CHN1: variants seen among roughly 807,000 people sequenced by gnomAD.
CHN1 encodes N-chimaerin.
A neutral mutation model predicts 59.5 loss-of-function variants in CHN1; 37 were observed. The observed-to-expected ratio is 0.62, with a 90% CI of 0.48 to 0.82. The LOEUF is 0.82. CHN1 is among the 40% of genes least tolerant of loss of function. The pLI, the probability that CHN1 is intolerant of heterozygous loss-of-function variation, is 0.00. For synonymous variants in CHN1, 206 were observed against 200.4 expected (o/e 1.03, Z -0.24); for missense variants, 469 against 571.0 (o/e 0.82, Z 1.82).
chr2:174,848,660 TG>T (rs1686623794), intron 6 of CHN1, among the ~76,000 whole-genome samples: 1 of 152,194 alleles, frequency 6.6e-6, no homozygotes. Flanking sequence ...GGGCATGAAG[TG>T]GTTCTTAAGC....
chr2:174,893,127 A>G (rs868325553), intron 5 of CHN1, among the ~76,000 whole-genome samples: 2 of 152,336 alleles, frequency 1.3e-5, no homozygotes, highest in Middle Eastern at 3.4e-3. Context: ...CAGAGCAATT[A>G]GGCAAGAAAA....
chr2:174,804,074 T>C (rs1684812345), intron 11 of CHN1, among the ~76,000 whole-genome samples: 1 of 152,182 alleles, frequency 6.6e-6, no homozygotes, highest in Admixed American at 6.5e-5. Flanking sequence ...AGTTACACTC[T>C]ATTAGAATGA....
chr2:174,821,128 C>G (rs1456546924), intron 8 of CHN1, among the ~76,000 whole-genome samples: 2 of 152,164 alleles, frequency 1.3e-5, no homozygotes, highest in Non-Finnish European at 2.9e-5. Context: ...CTTGAAACAT[C>G]AAGCATATAT....
intron 7 of CHN1, chr2:174,846,442 G>T: frequency 6.5e-7 from 1 of 1,529,326 alleles, no homozygotes; most frequent in Admixed American, 2.2e-5. Flanking sequence ...CAGAAACTAT[G>T]AGAAATGCAA....
At chr2:174,978,342 T>G (rs929811543) in intron 1 of CHN1, among the ~76,000 whole-genome samples, 1 of 152,216 alleles carries the variant, frequency 6.6e-6, no homozygotes, top group Non-Finnish European at 1.5e-5. Context: ...CGTATTTCTG[T>G]GATTATTTCC....
chr2:174,898,499 G>A (rs1480588428), intron 5 of CHN1, among the ~76,000 whole-genome samples: 1 of 151,754 alleles, frequency 6.6e-6, no homozygotes, highest in Non-Finnish European at 1.5e-5. Flanking sequence ...AGCTACTTAG[G>A]AGGCTGAGGC....
Position 174,877,965 on chromosome 2 carries a change from T to C in CHN1, c.424A>G (p.Ile142Val), listed in dbSNP as rs1208219320. The change falls in exon 6 of 13, where the codon ATT becomes GTT. Residue 142 changes from isoleucine (I) to valine (V), a missense_variant. Physicochemically the swap from Ile to Val is conservative, Grantham distance 29 (BLOSUM62 3). Around this residue, in one of 5 missense-constraint regions of CHN1, gnomAD observed 8 missense variants for 25.4 expected, o/e 0.32. Transcript: ENST00000409900. ...GTTGTGTATCCTACGTGCTCATAAA[T>C]TGGGTTTATCGTCATCTTGGCAATG... The part of the protein sequence containing the change: ...EYIAKMTINP[I>V]YEHVGYTTLN... 9 of 1,613,884 alleles carry C rather than the reference T, an allele frequency of 5.6e-6. No individual in the cohort carries two copies. Among genetic ancestry groups the C allele is most frequent in the Admixed American group, 3.3e-5 (2 of 60,022 alleles).
intron 9 of CHN1, 68 bp from the exon 10 acceptor site, chr2:174,811,656 T>A: frequency 2.2e-6 from 2 of 906,676 alleles, no homozygotes; most frequent in Non-Finnish European, 3.4e-6. Flanking sequence ...CCTCACACTT[T>A]AAGCTGGGAG....
Position 174,815,020 on chromosome 2 carries a change from A to G in CHN1, c.713-2538T>C, listed in dbSNP as rs1685199116. The stretch of plus-strand genomic sequence containing the variant: ...TTTATCTTCTTTTGGGATTCCAACA[A>G]CACAAATGCTAAAACCTTTGTTATG... On this transcript the variant is annotated intron_variant, in intron 8 of 12. Transcript: ENST00000409900. Among the ~76,000 whole-genome samples, 7 of 152,232 alleles carry G rather than the reference A, an allele frequency of 4.6e-5. No individual in the cohort carries two copies. The South Asian group carries it at 1.5e-3, about 32-fold the overall frequency.
At chr2:174,971,231 T>C (rs970133372) in intron 1 of CHN1, among the ~76,000 whole-genome samples, 1 of 152,048 alleles carries the variant, frequency 6.6e-6, no homozygotes, top group Admixed American at 6.5e-5. Context: ...GGCAGGAGAA[T>C]GGCATGAACC....
In CHN1 at chr2:174,952,221, A is replaced by T; in HGVS notation, c.20-19T>A. 7.5e-7 allele frequency: 1 copy of T among 1,332,264 alleles called. No homozygotes were observed. The highest frequency in any genetic ancestry group is 1.0e-6 in the Non-Finnish European group (1 of 992,920). 82.5% of individuals were successfully genotyped at this position (1,332,264 alleles called of 1,614,324 possible). ...TCTGTATCTGAAAGAAAAAACATCA[A>T]ATTAACATTACTGAATATTTAAATT... is the stretch of plus-strand genomic sequence containing the variant. On this transcript the variant is annotated intron_variant, in intron 1 of 12. Transcript: ENST00000409900.
At position 174,877,874 on chromosome 2, in the gene CHN1, T is replaced by A; in HGVS notation, c.515A>T (p.Asp172Val). ...PVLKETHDER[D>V]STGQDGVSEK... is the part of the protein sequence containing the mutation. ...TGACACCCCATCCTGGCCTGTAGAA[T>A]CTCTCTCATCATGTGTCTCTTTCAG... The change falls in exon 6 of 13, where the codon GAT becomes GTT. Residue 172 changes from aspartate (D) to valine (V), a missense_variant. Asp to Val is a radical substitution (Grantham distance 152). Coordinates refer to ENST00000409900, the MANE Select transcript of CHN1 (RefSeq NM_001822.7). 6.2e-7 allele frequency: 1 copy of A among 1,613,558 alleles called. No homozygotes were observed. The highest frequency in any genetic ancestry group is 8.5e-7 in the Non-Finnish European group (1 of 1,179,656).
chr2:174,991,863 G>A (rs1691557427), intron 1 of CHN1, among the ~76,000 whole-genome samples: 1 of 152,212 alleles, frequency 6.6e-6, no homozygotes, highest in African/African-American at 2.4e-5. Context: ...CCTGCTATGT[G>A]TGAAGCACTG....
chr2:174,913,437 A>C (rs1688754945), intron 5 of CHN1, among the ~76,000 whole-genome samples: 1 of 152,222 alleles, frequency 6.6e-6, no homozygotes, highest in South Asian at 2.1e-4. Context: ...AAAGATGAAG[A>C]AACCAACTTC....
At chr2:174,870,150 T>C (rs900780150) in intron 6 of CHN1, among the ~76,000 whole-genome samples, 1 of 152,162 alleles carries the variant, frequency 6.6e-6, no homozygotes, top group Non-Finnish European at 1.5e-5. Flanking sequence ...AAATGAAGGA[T>C]AATAAGGCTG....
intron 1 of CHN1, among the ~76,000 whole-genome samples, chr2:174,975,928 T>C (rs1329732237): frequency 6.6e-6 from 1 of 150,962 alleles, no homozygotes; most frequent in Non-Finnish European, 1.5e-5. Context: ...GAGATCATCC[T>C]GGCTAACATG....
chr2:174,950,569 T>C (rs966187604), intron 2 of CHN1, among the ~76,000 whole-genome samples: 1 of 151,964 alleles, frequency 6.6e-6, no homozygotes, highest in East Asian at 1.9e-4. Flanking sequence ...AAATGATAGC[T>C]ACTGCAAGAC....
intron 8 of CHN1, among the ~76,000 whole-genome samples, chr2:174,817,766 T>C (rs987866419): frequency 1.3e-5 from 2 of 151,752 alleles, no homozygotes; most frequent in Admixed American, 6.6e-5. Context: ...GTCTCCCGAG[T>C]TGCTGGGACT....
chr2:174,947,508 A>G (rs1689880886), intron 2 of CHN1, among the ~76,000 whole-genome samples: 1 of 144,084 alleles, frequency 6.9e-6, no homozygotes, highest in Admixed American at 7.0e-5. Context: ...TTTTTGAGAC[A>G]GTGTCTCACT....
Sources: gnomAD v4.1 joint callset for allele counts (sites outside exome capture counted in the v4.1 genomes callset) on GRCh38, gnomAD v4.1.1 for gene constraint, gnomAD v4.1.1 regional missense constraint, MANE v1.5 for transcripts, NCBI Gene and HGNC (gene_info 2026-07-23, HGNC 2026-07-21) for gene names.